LAMA2: variants seen among roughly 807,000 people sequenced by gnomAD.
The protein encoded by LAMA2 is laminin subunit alpha-2.
A neutral mutation model predicts 364.8 loss-of-function variants in LAMA2; 269 were observed. That is an observed-to-expected ratio of 0.74 (90% CI 0.67 to 0.82). The LOEUF (loss-of-function observed/expected upper bound fraction) is 0.82, where lower values mean the gene tolerates loss of function less well. LAMA2 is among the 40% of genes least tolerant of loss of function. The probability of loss-of-function intolerance (pLI) is 0.00; values close to 1 mark genes in which losing one functional copy is unlikely to be tolerated. For missense variants in LAMA2, 3,807 were observed against 3,873.2 expected (o/e 0.98, Z 0.45); for synonymous variants, 1,379 against 1,370.6 (o/e 1.01, Z -0.14).
chr6:129,170,254 T>C (rs1380681463), intron 9 of LAMA2, among the ~76,000 whole-genome samples: 1 of 146,682 alleles, frequency 6.8e-6, no homozygotes, highest in East Asian at 2.0e-4. Context: ...ATTGTGATGT[T>C]AGGGTGTCAA....
In LAMA2 at chr6:129,320,602, G is replaced by A. The variant is rs146827694; in HGVS notation, c.4123G>A (p.Asp1375Asn). The A allele has an allele frequency of 3.1e-6, 5 of 1,613,750 alleles. No individual in the cohort carries two copies. Among genetic ancestry groups the A allele is most frequent in the Non-Finnish European group, 4.2e-6 (5 of 1,179,752 alleles). Reference protein sequence around the residue: ...GRGTTMTPPADLIEKCDCPLG... With the variant: ...GRGTTMTPPANLIEKCDCPLG... ...TGGAACAACAATGACTCCTCCAGCT[G>A]ACTTGATTGAAAAATGTGATTGTCC... Residue 1375 changes from aspartate (D) to asparagine (N), a missense_variant, in exon 28 of 65, where the codon GAC becomes AAC. Transcript: ENST00000421865.
chr6:129,149,423 A>C (rs1778665543), intron 7 of LAMA2, among the ~76,000 whole-genome samples: 1 of 152,196 alleles, frequency 6.6e-6, no homozygotes, highest in African/African-American at 2.4e-5. Context: ...ACTAGTATGA[A>C]GTCCAATTCA....
intron 1 of LAMA2, among the ~76,000 whole-genome samples, chr6:129,043,551 A>C (rs1787253372): frequency 6.6e-6 from 1 of 152,056 alleles, no homozygotes; most frequent in African/African-American, 2.4e-5. Context: ...TATGTCCTTG[A>C]GTATAGTTTA....
At position 129,460,299 on chromosome 6, in the gene LAMA2, G is replaced by A; in HGVS notation, c.6967G>A (p.Gly2323Ser). The A allele has an allele frequency of 6.2e-7, 1 of 1,612,306 alleles. No individual in the cohort carries two copies. The highest frequency in any genetic ancestry group is 2.2e-5 in the East Asian group (1 of 44,792). The change falls in exon 49 of 65, where the codon GGT becomes AGT. Residue 2323 changes from glycine to serine, a missense_variant. Gly to Ser is a moderately conservative substitution (Grantham distance 56). This residue lies in a region of LAMA2 where 3,333 missense variants were observed against 3,345.7 expected (regional missense o/e 1.00). Coordinates refer to ENST00000421865, the MANE Select transcript of LAMA2 (RefSeq NM_000426.4). ...TTTGTGGAATTTCCGAGAAAAAGAA[G>A]GTGACTGCAAAGGATGCACTGTCAG... is the stretch of plus-strand genomic sequence containing the variant. ...IGLWNFREKE[G>S]DCKGCTVSPQ...
chr6:129,263,914 T>G (rs533257650), intron 15 of LAMA2, among the ~76,000 whole-genome samples: 7 of 151,692 alleles, frequency 4.6e-5, no homozygotes, highest in Middle Eastern at 3.4e-3. Flanking sequence ...TATTTTTTTT[T>G]GTTTGTTTTA....
At chr6:128,979,549 G>C (rs1220625328) in intron 1 of LAMA2, among the ~76,000 whole-genome samples, 1 of 152,224 alleles carries the variant, frequency 6.6e-6, no homozygotes, top group Non-Finnish European at 1.5e-5. Context: ...GGAGTGCTAA[G>C]AAAATGTTCA....
At chr6:129,065,629 A>T (rs2114806688) in intron 3 of LAMA2, among the ~76,000 whole-genome samples, 1 of 152,306 alleles carries the variant, frequency 6.6e-6, no homozygotes, top group South Asian at 2.1e-4. Flanking sequence ...ATCTTTAAAA[A>T]AATCAATAAA....
chr6:129,313,060 G>C lies in LAMA2; in HGVS notation c.3374G>C (p.Cys1125Ser). The C allele has an allele frequency of 6.2e-7, 1 of 1,612,570 alleles. No homozygotes were observed. Among genetic ancestry groups the C allele is most frequent in the Non-Finnish European group, 8.5e-7 (1 of 1,178,640 alleles). ...ACCTGTGATTCAGAGACTAAAAAAT[G>C]CTCCTGTAGTGATCAAACTGGGCAG... ...ATTCDSETKK[C>S]SCSDQTGQCT... Residue 1125 changes from cysteine to serine, a missense_variant, in exon 23 of 65, where the codon TGC becomes TCC. Physicochemically the swap from Cys to Ser is moderately radical, Grantham distance 112. Around this residue, in one of 3 missense-constraint regions of LAMA2, gnomAD observed 3,333 missense variants for 3,345.7 expected, o/e 1.00. Coordinates refer to ENST00000421865, the MANE Select transcript of LAMA2 (RefSeq NM_000426.4).
At chr6:129,403,125 C>T (rs538991787) in intron 39 of LAMA2, among the ~76,000 whole-genome samples, 1 of 152,158 alleles carries the variant, frequency 6.6e-6, no homozygotes, top group Non-Finnish European at 1.5e-5. Flanking sequence ...AATTTAATAG[C>T]GGTGCTATTA....
At chr6:128,919,161 T>C (rs994784790) in intron 1 of LAMA2, among the ~76,000 whole-genome samples, 1 of 152,182 alleles carries the variant, frequency 6.6e-6, no homozygotes, top group Non-Finnish European at 1.5e-5. Flanking sequence ...GCTGGAAGTT[T>C]TCTTCTATTT....
At chr6:129,454,881 T>C (rs889780783) in intron 47 of LAMA2, among the ~76,000 whole-genome samples, 1 of 152,130 alleles carries the variant, frequency 6.6e-6, no homozygotes, top group Non-Finnish European at 1.5e-5. Flanking sequence ...TTTCTCTTCT[T>C]GTTTTCCCAA....
chr6:129,074,911 T>C (rs2114825645), intron 3 of LAMA2, among the ~76,000 whole-genome samples: 1 of 152,294 alleles, frequency 6.6e-6, no homozygotes, highest in East Asian at 1.9e-4. Flanking sequence ...CCCTGAATAA[T>C]ACATAAAGAA....
chr6:129,202,187 C>CAAA (rs776190977), intron 12 of LAMA2, among the ~76,000 whole-genome samples: 162 of 61,948 alleles, frequency 2.6e-3, no homozygotes, highest in African/African-American at 5.2e-3. Flanking sequence ...GAGTCTGTCT[C>CAAA]AAAAAAAAAA....
chr6:129,402,063 G>T (rs1780006004), intron 38 of LAMA2, among the ~76,000 whole-genome samples: 1 of 151,950 alleles, frequency 6.6e-6, no homozygotes, highest in Non-Finnish European at 1.5e-5. Context: ...CAAAAAATTA[G>T]CTGGGTGTGG....
chr6:129,250,247 T>C (rs965004836), intron 13 of LAMA2, 34 bp downstream of exon 13: 7 of 1,263,292 alleles, frequency 5.5e-6, no homozygotes, highest in African/African-American at 4.5e-5. Flanking sequence ...CCCGTGTTAC[T>C]TCCTGATGTT....
In LAMA2 at chr6:129,514,470, C is replaced by T. The variant is rs1397831867; in HGVS notation, c.9086C>T (p.Thr3029Ile). The part of the protein sequence containing the change: ...HLCDGQWHKV[T>I]ANKIKHRIEL... ...TGTGATGGACAATGGCATAAAGTCA[C>T]TGCCAACAAGATCAAACACCGCATT... Residue 3029 changes from threonine to isoleucine, a missense_variant, in exon 64 of 65, where the codon ACT becomes ATT. Around this residue, in one of 3 missense-constraint regions of LAMA2, gnomAD observed 3,333 missense variants for 3,345.7 expected, o/e 1.00. Transcript: ENST00000421865. 1 of 1,613,888 alleles carries T rather than the reference C, an allele frequency of 6.2e-7. No individual in the cohort carries two copies. Among genetic ancestry groups the T allele is most frequent in the East Asian group, 2.2e-5 (1 of 44,872 alleles).
At chr6:129,208,531 AAGAG>A (rs943724183) in intron 12 of LAMA2, among the ~76,000 whole-genome samples, 4 of 143,914 alleles carry the variant, frequency 2.8e-5, no homozygotes, top group South Asian at 2.2e-4. Context: ...AAAAGAAAGA[AAGAG>A]AGAAAGAAAA....
At chr6:129,087,903 T>C (rs1774479684) in intron 3 of LAMA2, among the ~76,000 whole-genome samples, 1 of 150,710 alleles carries the variant, frequency 6.6e-6, no homozygotes, top group Non-Finnish European at 1.5e-5. Context: ...ATTTTATTTA[T>C]TTATTTTTTT....
At chr6:129,461,339 C>A (rs1783246436) in intron 49 of LAMA2, among the ~76,000 whole-genome samples, 1 of 151,988 alleles carries the variant, frequency 6.6e-6, no homozygotes, top group Non-Finnish European at 1.5e-5. Flanking sequence ...AAAATGTTAT[C>A]CCTCTAAAAG....
Sources: allele counts gnomAD v4.1 joint callset (sites outside exome capture counted in the v4.1 genomes callset), GRCh38; gene constraint gnomAD v4.1.1; regional missense constraint gnomAD v4.1.1; transcripts MANE v1.5; gene names NCBI Gene and HGNC (gene_info 2026-07-23, HGNC 2026-07-21).